The following CCDC60 variants were observed in gnomAD, a reference collection of about 807,000 sequenced individuals.
CCDC60 encodes the protein coiled-coil domain containing 60.
Under a neutral mutation model 63.5 loss-of-function variants are expected in CCDC60, and 54 were observed. That is an observed-to-expected ratio of 0.85 (90% CI 0.68 to 1.07). The LOEUF (loss-of-function observed/expected upper bound fraction) is 1.07, where lower values mean the gene tolerates loss of function less well. Ranked by LOEUF, CCDC60 falls within the 50% of genes least tolerant of loss-of-function variation. The pLI, the probability that CCDC60 is intolerant of heterozygous loss-of-function variation, is 0.00. For synonymous variants in CCDC60, 206 were observed against 238.8 expected (o/e 0.86, Z 1.27); for missense variants, 651 against 684.3 (o/e 0.95, Z 0.54).
intron 1 of CCDC60, among the ~76,000 whole-genome samples, chr12:119,360,152 C>T (rs1239853825): frequency 1.0e-4 from 15 of 149,920 alleles, no homozygotes; most frequent in African/African-American, 2.7e-4. Flanking sequence ...GGCGGCTGGC[C>T]GGGCGGGGGG....
chr12:119,349,693 C>T (rs561554174), intron 1 of CCDC60, among the ~76,000 whole-genome samples: 15 of 152,210 alleles, frequency 9.9e-5, no homozygotes, highest in African/African-American at 3.1e-4. Flanking sequence ...AAGTTGACAA[C>T]GGACAGACAT....
At chr12:119,368,907 G>A (rs944169412) in intron 1 of CCDC60, among the ~76,000 whole-genome samples, 1 of 152,076 alleles carries the variant, frequency 6.6e-6, no homozygotes, top group Non-Finnish European at 1.5e-5. Context: ...TGATCGTTTC[G>A]TAGTTCTTTT....
At chr12:119,487,042 C>G (rs1951461912) in intron 4 of CCDC60, among the ~76,000 whole-genome samples, 1 of 152,010 alleles carries the variant, frequency 6.6e-6, no homozygotes, top group African/African-American at 2.4e-5. Context: ...CACCTTGTTT[C>G]CAGGAAAAAG....
intron 2 of CCDC60, among the ~76,000 whole-genome samples, chr12:119,437,230 G>T (rs1376911519): frequency 6.6e-6 from 1 of 152,076 alleles, no homozygotes; most frequent in East Asian, 1.9e-4. Context: ...GAAATAAGAA[G>T]GGAAAAAACT....
chr12:119,491,626 C>G (rs1477413881), intron 5 of CCDC60, among the ~76,000 whole-genome samples: 2 of 152,170 alleles, frequency 1.3e-5, no homozygotes, highest in African/African-American at 4.8e-5. Context: ...CTGTGCCCGG[C>G]CCCTTACACA....
intron 1 of CCDC60, among the ~76,000 whole-genome samples, chr12:119,342,917 C>T (rs1158508277): frequency 6.6e-6 from 1 of 152,226 alleles, no homozygotes; most frequent in African/African-American, 2.4e-5. Context: ...CTTTGCACAA[C>T]TGTGGAAAGA....
intron 2 of CCDC60, among the ~76,000 whole-genome samples, chr12:119,455,926 AAAG>A (rs1950724008): frequency 1.3e-5 from 1 of 78,866 alleles, no homozygotes; most frequent in South Asian, 5.1e-4. Flanking sequence ...AGGAGGAAAG[AAAG>A]AAAGAGAAAG....
At chr12:119,424,712 G>A (rs575702483) in intron 1 of CCDC60, among the ~76,000 whole-genome samples, 16 of 152,200 alleles carry the variant, frequency 1.1e-4, no homozygotes, top group African/African-American at 3.4e-4. Flanking sequence ...GTTTGTAAAT[G>A]TCCTGAGAAC....
chr12:119,503,394 G>A (rs911485743), intron 6 of CCDC60, among the ~76,000 whole-genome samples: 2 of 152,172 alleles, frequency 1.3e-5, no homozygotes, highest in African/African-American at 2.4e-5. Context: ...CAGGATCATT[G>A]TACCAAGCTC....
chr12:119,353,566 C>G (rs1955681298), intron 1 of CCDC60, among the ~76,000 whole-genome samples: 2 of 147,334 alleles, frequency 1.4e-5, no homozygotes, highest in South Asian at 4.4e-4. Flanking sequence ...CTCTCCTTCT[C>G]TCTCCCCTCT....
chr12:119,401,623 T>C (rs1015282811), intron 1 of CCDC60, among the ~76,000 whole-genome samples: 2 of 152,256 alleles, frequency 1.3e-5, no homozygotes, highest in Non-Finnish European at 2.9e-5. Flanking sequence ...AAACCCAGTC[T>C]TCTTTTGTTT....
chr12:119,405,499 G>A (rs909262968), intron 1 of CCDC60, among the ~76,000 whole-genome samples: 6 of 152,000 alleles, frequency 3.9e-5, no homozygotes, highest in Non-Finnish European at 8.8e-5. Flanking sequence ...ACTCCAACTA[G>A]GGCTCTCAAA....
At chr12:119,455,026 T>C (rs1950698911) in intron 2 of CCDC60, among the ~76,000 whole-genome samples, 1 of 152,234 alleles carries the variant, frequency 6.6e-6, no homozygotes, top group Non-Finnish European at 1.5e-5. Flanking sequence ...TTAAAGAATT[T>C]TCCCAGAAGC....
chr12:119,350,119 G>T (rs11064757), intron 1 of CCDC60, among the ~76,000 whole-genome samples: 21,728 of 152,084 alleles, frequency 0.14, 1,905 homozygotes, highest in South Asian at 0.35. Flanking sequence ...AGGGAGATGT[G>T]GGGTGTGCCC....
chr12:119,472,211 A>G, intron 3 of CCDC60, 47 bp downstream of exon 3: 4 of 1,571,834 alleles, frequency 2.5e-6, no homozygotes, highest in Non-Finnish European at 3.5e-6. Flanking sequence ...GGGAATGACC[A>G]TTGAGAGTGA....
At chr12:119,460,604 G>A (rs1219331398) in intron 2 of CCDC60, among the ~76,000 whole-genome samples, 1 of 152,162 alleles carries the variant, frequency 6.6e-6, no homozygotes. Flanking sequence ...AGAATTGCTG[G>A]GTTCAGAAAG....
intron 3 of CCDC60, among the ~76,000 whole-genome samples, chr12:119,478,554 G>GT (rs1209133402): frequency 6.9e-6 from 1 of 144,572 alleles, no homozygotes; most frequent in African/African-American, 2.6e-5. Context: ...GATTTATCTT[G>GT]TTTATTCTCT....
At chr12:119,344,515 A>G (rs1204075176) in intron 1 of CCDC60, among the ~76,000 whole-genome samples, 1 of 152,092 alleles carries the variant, frequency 6.6e-6, no homozygotes, top group Non-Finnish European at 1.5e-5. Flanking sequence ...TACCTGGTCC[A>G]TAGCACCATT....
chr12:119,341,758 T>C (rs1417168683), intron 1 of CCDC60, among the ~76,000 whole-genome samples: 1 of 152,172 alleles, frequency 6.6e-6, no homozygotes, highest in African/African-American at 2.4e-5. Flanking sequence ...GGTCCATCAT[T>C]AATGAGGCCA....
Sources: allele counts gnomAD v4.1 joint callset (sites outside exome capture counted in the v4.1 genomes callset), GRCh38; gene constraint gnomAD v4.1.1; transcripts MANE v1.5; gene names NCBI Gene and HGNC (gene_info 2026-07-23, HGNC 2026-07-21).